The following SERPINB8 variants were observed in gnomAD, a reference collection of about 807,000 sequenced individuals.
SERPINB8 encodes the protein serpin family B member 8.
In SERPINB8, 25 loss-of-function variants were observed where a neutral mutation model predicts 35.3. The observed-to-expected ratio is 0.71, with a 90% CI of 0.52 to 0.99. SERPINB8 has a LOEUF of 0.99. SERPINB8 is among the 50% of genes least tolerant of loss of function. The pLI, the probability that SERPINB8 is intolerant of heterozygous loss-of-function variation, is 0.00. For synonymous variants in SERPINB8, 186 were observed against 160.8 expected, an observed-to-expected ratio of 1.16 and a Z score of -1.19; for missense variants, 484 against 446.5, an observed-to-expected ratio of 1.08 and a Z score of -0.76.
At chr18:64,005,344 G>A (rs530798658) in exon 2 of SERPINB8, 18 of 152,544 alleles carry the variant, frequency 1.2e-4, no homozygotes, top group African/African-American at 4.3e-4. Context: ...GCAAAGTTAA[G>A]CATGTCCTAT....
In SERPINB8 at chr18:63,979,871, C is replaced by T. The variant is rs940855463; in HGVS notation, c.239C>T (p.Thr80Ile). 2 of 1,613,918 alleles carry T rather than the reference C, an allele frequency of 1.2e-6. No individual in the cohort carries two copies. The highest frequency in any genetic ancestry group is 2.7e-5 in the African/African-American group (2 of 74,908). Reference protein sequence around the residue: ...FQSLLSEVNRTGTQYLLRTAN... With the variant: ...FQSLLSEVNRIGTQYLLRTAN... Reference sequence around the variant, plus strand: ...TCACTTCTCAGTGAAGTTAACAGAACTGGCACTCAGTACTTGCTTAGAACT... The same window carrying T: ...TCACTTCTCAGTGAAGTTAACAGAATTGGCACTCAGTACTTGCTTAGAACT... The change falls in exon 3 of 7, where the codon ACT becomes ATT. Residue 80 changes from threonine (T) to isoleucine (I), a missense_variant. Thr to Ile is a moderately conservative substitution (Grantham distance 89). Transcript: ENST00000397985.
At chr18:63,986,691 CTG>C in intron 6 of SERPINB8, 181 bp from the exon 7 acceptor site, 2 of 1,406,242 alleles carry the variant, frequency 1.4e-6, no homozygotes, top group South Asian at 1.7e-5. Flanking sequence ...CTCCATAAAA[CTG>C]TGAAAAGATG....
intron 1 of SERPINB8, among the ~76,000 whole-genome samples, chr18:63,996,243 A>AGTTCCTG (rs2050848658): frequency 6.6e-6 from 1 of 152,222 alleles, no homozygotes; most frequent in Non-Finnish European, 1.5e-5. Flanking sequence ...CTTGAGGCAA[A>AGTTCCTG]GTTCCTGAGA....
At chr18:63,984,386 A>T in intron 5 of SERPINB8, among the ~76,000 whole-genome samples, 1 of 152,204 alleles carries the variant, frequency 6.6e-6, no homozygotes, top group Non-Finnish European at 1.5e-5. Flanking sequence ...AGTGGCAACT[A>T]TGCCTATTTA....
chr18:64,004,866 T>C, exon 2 of SERPINB8: 1 of 398,486 alleles, frequency 2.5e-6, no homozygotes, highest in Non-Finnish European at 4.4e-6. Flanking sequence ...TTGCCAACAT[T>C]ATCAGCACCT....
In SERPINB8 at chr18:63,989,144, A is replaced by G. The variant is rs1437724459; in HGVS notation, c.*1866A>G. ...AAGAAATTTACATACATGGAACCATACATCATCTATGCTTTGTAGTATGAC... is the reference window on the plus strand; with the variant it reads ...AAGAAATTTACATACATGGAACCATGCATCATCTATGCTTTGTAGTATGAC... On this transcript the variant is annotated 3_prime_UTR_variant, in exon 7 of 7. Transcript: ENST00000397985. 1.3e-5 allele frequency: 2 copies of G among 152,364 alleles called. No homozygotes were observed. The highest frequency in any genetic ancestry group is 3.9e-4 in the East Asian group (2 of 5,190). 9.4% of individuals were successfully genotyped at this position (152,364 alleles called of 1,614,324 possible).
chr18:63,978,399 T>G lies in SERPINB8; in HGVS notation c.91T>G (p.Ser31Ala). The change falls in exon 2 of 7, where the codon TCT becomes GCT. Residue 31 changes from serine (S) to alanine (A), a missense_variant. Physicochemically the swap from Ser to Ala is moderately conservative, Grantham distance 99. Transcript: ENST00000397985. ...GGACAACTCAAGAAACGTATTCTTCTCTCCCATGAGCATCTCCTCTGCCCT... is the reference window on the plus strand; with the variant it reads ...GGACAACTCAAGAAACGTATTCTTCGCTCCCATGAGCATCTCCTCTGCCCT... The part of the protein sequence containing the change: ...EEDNSRNVFF[S>A]PMSISSALAM... 1 of 1,614,164 alleles carries G rather than the reference T, an allele frequency of 6.2e-7. No homozygotes were observed. The highest frequency in any genetic ancestry group is 8.5e-7 in the Non-Finnish European group (1 of 1,180,024).
chr18:63,974,851 G>A (rs548928939), intron 1 of SERPINB8, among the ~76,000 whole-genome samples: 14 of 152,268 alleles, frequency 9.2e-5, no homozygotes, highest in Middle Eastern at 6.8e-3. Flanking sequence ...GTGCACTTGT[G>A]TGTGAGTGTG....
chr18:63,978,149 A>T, intron 1 of SERPINB8, 150 bp from the exon 2 acceptor site: 1 of 708,030 alleles, frequency 1.4e-6, no homozygotes, highest in South Asian at 1.7e-5. Flanking sequence ...CAGATCATGT[A>T]GTCACAGGTT....
chr18:64,000,882 A>T (rs768692043), intron 1 of SERPINB8, among the ~76,000 whole-genome samples: 49 of 152,102 alleles, frequency 3.2e-4, no homozygotes, highest in Non-Finnish European at 5.1e-4. Context: ...CTCTCTAACA[A>T]TTGTGGACTT....
intron 7 of SERPINB8, among the ~76,000 whole-genome samples, chr18:64,016,386 A>G (rs1469590303): frequency 6.6e-6 from 1 of 152,216 alleles, no homozygotes; most frequent in Non-Finnish European, 1.5e-5. Flanking sequence ...TACCTATGAT[A>G]TAATTCTTCA....
intron 1 of SERPINB8, chr18:64,004,772 A>G (rs2050892234): frequency 2.5e-6 from 1 of 398,314 alleles, no homozygotes; most frequent in Admixed American, 4.4e-5. Flanking sequence ...GTTTAGTGTC[A>G]TTATCTCCAA....
chr18:64,002,739 C>G (rs1311957432), intron 1 of SERPINB8, among the ~76,000 whole-genome samples: 1 of 152,088 alleles, frequency 6.6e-6, no homozygotes, highest in Non-Finnish European at 1.5e-5. Flanking sequence ...GCCGACCCCG[C>G]CCCGGGTCCC....
chr18:63,981,057 A>G (rs2050663045), intron 3 of SERPINB8, among the ~76,000 whole-genome samples: 1 of 152,208 alleles, frequency 6.6e-6, no homozygotes, highest in African/African-American at 2.4e-5. Context: ...CATGCATGCA[A>G]TCCACACACA....
In SERPINB8 at chr18:63,979,897, G is replaced by A. The variant is rs2050644172; in HGVS notation, c.265G>A (p.Ala89Thr). Residue 89 changes from alanine (A) to threonine (T), a missense_variant, in exon 3 of 7, where the codon GCC (alanine) becomes ACC (threonine). Coordinates refer to ENST00000397985, the MANE Select transcript of SERPINB8 (RefSeq NM_002640.4). ...RTGTQYLLRT[A>T]NRLFGEKTCD... is the part of the protein sequence containing the mutation. ...TGGCACTCAGTACTTGCTTAGAACT[G>A]CCAACAGACTCTTTGGAGAAAAGAC... The A allele has an allele frequency of 1.2e-6, 2 of 1,613,982 alleles. No homozygotes were observed. The highest frequency in any genetic ancestry group is 1.7e-5 in the Admixed American group (1 of 59,998).
intron 1 of SERPINB8, among the ~76,000 whole-genome samples, chr18:63,994,896 T>C (rs1330199391): frequency 2.0e-5 from 3 of 152,154 alleles, no homozygotes; most frequent in Admixed American, 6.5e-5. Flanking sequence ...CCAGCTATTT[T>C]AACAAATGCC....
chr18:64,009,936 A>G (rs2050918333), downstream of SERPINB8, among the ~76,000 whole-genome samples: 1 of 152,190 alleles, frequency 6.6e-6, no homozygotes, highest in Admixed American at 6.5e-5. Context: ...GAAAAAATCA[A>G]CATTAAAATA....
chr18:63,987,468 T>G lies in SERPINB8; in HGVS notation c.*190T>G. The G allele has an allele frequency of 1.6e-6, 1 of 640,114 alleles. No individual in the cohort carries two copies. Among genetic ancestry groups the G allele is most frequent in the Non-Finnish European group, 2.6e-6 (1 of 386,276 alleles). The allele number at this position is 640,114 out of a possible 1,614,324, so 39.7% of individuals were successfully genotyped here. A position where few individuals can be genotyped will look rare whatever the true frequency, so the allele number is the denominator to read the frequency against. On this transcript the variant is annotated 3_prime_UTR_variant, in exon 7 of 7. Transcript: ENST00000397985. ...ACTGAGGCCGCAGATGCATGAAATT[T>G]GGGCCTGGGAAGGCTATGCTGGTTT...
At chr18:64,001,983 G>A (rs564661251) in intron 1 of SERPINB8, among the ~76,000 whole-genome samples, 1 of 152,298 alleles carries the variant, frequency 6.6e-6, no homozygotes, top group South Asian at 2.1e-4. Context: ...AATGCTTCCA[G>A]TTGCGGAGGC....
Sources: allele counts gnomAD v4.1 joint callset (sites outside exome capture counted in the v4.1 genomes callset), GRCh38; gene constraint gnomAD v4.1.1; transcripts MANE v1.5; gene names NCBI Gene and HGNC (gene_info 2026-07-23, HGNC 2026-07-21).